RBM20: variants seen among roughly 807,000 people sequenced by gnomAD.
RBM20 encodes the protein RNA binding motif protein 20, also known as RNA-binding protein 20.
RBM20 carries 51 observed loss-of-function variants against 110.1 expected under a neutral mutation model. The ratio of observed to expected loss-of-function variants is 0.46; its 90% CI spans 0.37 to 0.59. The LOEUF (loss-of-function observed/expected upper bound fraction) is 0.59. Ranked by LOEUF, RBM20 falls within the 20% of genes least tolerant of loss-of-function variation. RBM20 has a pLI of 0.00. For synonymous variants in RBM20, 589 were observed against 618.2 expected, an observed-to-expected ratio of 0.95 and a Z score of 0.70; for missense variants, 1,512 against 1,574.9, an observed-to-expected ratio of 0.96 and a Z score of 0.68.
chr10:110,822,499 G>A (rs1340319028), intron 11 of RBM20: 2 of 456,608 alleles, frequency 4.4e-6, no homozygotes, highest in South Asian at 3.1e-5. Context: ...TTGTGCCTAT[G>A]CCCGGCACTG....
chr10:110,663,051 G>A (rs1323009399), intron 1 of RBM20, among the ~76,000 whole-genome samples: 7 of 151,642 alleles, frequency 4.6e-5, no homozygotes, highest in Non-Finnish European at 8.8e-5. Flanking sequence ...TGCAACCTCC[G>A]CCTCCCAGGT....
intron 1 of RBM20, among the ~76,000 whole-genome samples, chr10:110,687,891 T>A (rs1013532258): frequency 6.6e-6 from 1 of 152,204 alleles, no homozygotes; most frequent in African/African-American, 2.4e-5. Context: ...GCTCATTGAA[T>A]GTTTACTCTT....
chr10:110,818,346 A>G (rs1564663324), intron 9 of RBM20, among the ~76,000 whole-genome samples: 5 of 150,770 alleles, frequency 3.3e-5, no homozygotes, highest in Admixed American at 2.6e-4. Context: ...TCATTTTTGC[A>G]TTTTGGAATG....
chr10:110,719,329 C>G (rs1843477262), intron 1 of RBM20, among the ~76,000 whole-genome samples: 1 of 152,330 alleles, frequency 6.6e-6, no homozygotes. Flanking sequence ...AGAGTGGGCA[C>G]CCTTCACAGA....
At chr10:110,798,066 A>AT (rs973321186) in intron 6 of RBM20, among the ~76,000 whole-genome samples, 5 of 152,108 alleles carry the variant, frequency 3.3e-5, no homozygotes, top group Admixed American at 3.3e-4. Context: ...GGGACTAGGT[A>AT]TTTTTCCTGG....
intron 13 of RBM20, among the ~76,000 whole-genome samples, chr10:110,834,579 G>A (rs1845098757): frequency 6.6e-6 from 1 of 152,158 alleles, no homozygotes; most frequent in African/African-American, 2.4e-5. Context: ...TGTGTCAAAC[G>A]CTGTACTGAA....
At chr10:110,767,709 G>A (rs1470368130) in intron 1 of RBM20, among the ~76,000 whole-genome samples, 3 of 150,918 alleles carry the variant, frequency 2.0e-5, no homozygotes, top group African/African-American at 7.3e-5. Flanking sequence ...GGGCAAAGGC[G>A]CTCCCCACAT....
rs1002070143 is a variant in RBM20 at position 110,760,493 on chromosome 10, C to T, written c.192-20308C>T. 4.7e-5 allele frequency among the ~76,000 whole-genome samples: 4 copies of T among 84,364 alleles called. No homozygotes were observed. The Admixed American group carries it at 6.9e-4, about 15-fold the overall frequency. The allele number at this position is 84,364 out of a possible 152,430, so 55.3% of individuals were successfully genotyped here. On this transcript the variant is annotated intron_variant, in intron 1 of 13. Coordinates refer to ENST00000369519, the MANE Select transcript of RBM20 (RefSeq NM_001134363.3). ...TGTTGTCCAGGCTGGAGTACAGTGG[C>T]GTGATCTCAGGATCTCAGCTCACTG...
At chr10:110,819,185 A>G (rs1403685686) in intron 9 of RBM20, among the ~76,000 whole-genome samples, 4 of 152,228 alleles carry the variant, frequency 2.6e-5, no homozygotes, top group African/African-American at 9.6e-5. Flanking sequence ...GCCAAAGTTT[A>G]AGTCATGGGA....
At chr10:110,701,368 G>A (rs536636812) in intron 1 of RBM20, among the ~76,000 whole-genome samples, 2 of 152,168 alleles carry the variant, frequency 1.3e-5, no homozygotes, top group East Asian at 1.9e-4. Flanking sequence ...AACCCATAAA[G>A]TCCGGTCCTA....
chr10:110,794,041 C>G (rs1844517748), intron 5 of RBM20, among the ~76,000 whole-genome samples: 1 of 152,226 alleles, frequency 6.6e-6, no homozygotes, highest in African/African-American at 2.4e-5. Flanking sequence ...GATGTACAAA[C>G]TGTACTTTTG....
At chr10:110,672,767 T>C (rs1227607598) in intron 1 of RBM20, among the ~76,000 whole-genome samples, 1 of 152,228 alleles carries the variant, frequency 6.6e-6, no homozygotes, top group African/African-American at 2.4e-5. Flanking sequence ...TACTTGAGTT[T>C]TTCAAATAAA....
At chr10:110,794,683 A>T (rs1180497058) in intron 5 of RBM20, among the ~76,000 whole-genome samples, 1 of 152,244 alleles carries the variant, frequency 6.6e-6, no homozygotes, top group African/African-American at 2.4e-5. Context: ...CAACAAGGGA[A>T]TTGGTAAAAT....
At chr10:110,722,770 T>C (rs1486210599) in intron 1 of RBM20, among the ~76,000 whole-genome samples, 1 of 152,124 alleles carries the variant, frequency 6.6e-6, no homozygotes, top group Non-Finnish European at 1.5e-5. Flanking sequence ...TCTGATACCA[T>C]TGACAAAGGA....
intron 1 of RBM20, chr10:110,761,081 G>A (rs1461786784): frequency 8.4e-6 from 1 of 119,484 alleles, no homozygotes; most frequent in Non-Finnish European, 1.6e-5. Flanking sequence ...TGGGCAACAA[G>A]AGCAAGACTC....
chr10:110,770,942 T>C (rs2135022986), intron 1 of RBM20, among the ~76,000 whole-genome samples: 1 of 152,364 alleles, frequency 6.6e-6, no homozygotes, highest in South Asian at 2.1e-4. Context: ...TACTTTACAA[T>C]TTTATACTTG....
intron 5 of RBM20, among the ~76,000 whole-genome samples, chr10:110,786,926 G>C (rs1029446115): frequency 6.6e-6 from 1 of 152,192 alleles, no homozygotes; most frequent in Non-Finnish European, 1.5e-5. Context: ...CTCCATAAAG[G>C]GGGGTGGATG....
intron 1 of RBM20, among the ~76,000 whole-genome samples, chr10:110,666,093 A>T (rs1427145739): frequency 6.6e-6 from 1 of 152,138 alleles, no homozygotes. Flanking sequence ...ATTAAATATG[A>T]TATGTCTGGG....
intron 9 of RBM20, 24 bp downstream of exon 9, chr10:110,812,971 G>C: frequency 2.1e-6 from 3 of 1,418,018 alleles, no homozygotes; most frequent in Non-Finnish European, 1.9e-6. Context: ...TCTTCCCCAG[G>C]TAAGGCGAGG....
Sources: allele counts gnomAD v4.1 joint callset (sites outside exome capture counted in the v4.1 genomes callset), GRCh38; gene constraint gnomAD v4.1.1; transcripts MANE v1.5; gene names NCBI Gene and HGNC (gene_info 2026-07-23, HGNC 2026-07-21).